Variants in TET3 observed in about 807,000 individuals in gnomAD.
TET3 encodes the protein tet methylcytosine dioxygenase 3.
A neutral mutation model predicts 141.4 loss-of-function variants in TET3; 19 were observed. That is an observed-to-expected ratio of 0.13 (90% CI 0.09 to 0.20). The LOEUF (loss-of-function observed/expected upper bound fraction) is 0.20, where lower values mean the gene tolerates loss of function less well. Ranked by LOEUF, TET3 falls within the 10% of genes least tolerant of loss-of-function variation. The pLI is 1.00. For synonymous variants in TET3, 1,043 were observed against 980.9 expected (o/e 1.06, Z -1.18); for missense variants, 1,874 against 2,356.9 (o/e 0.80, Z 4.24).
chr2:74,129,192 T>C, the TET3 span, among the ~76,000 whole-genome samples: 16 of 150,590 alleles, frequency 1.1e-4, no homozygotes, highest in East Asian at 2.3e-3. Context: ...GGCTCATACC[T>C]GTAATCCCAG....
At chr2:74,031,905 C>A (rs1270739691) in intron 3 of TET3, among the ~76,000 whole-genome samples, 7 of 152,136 alleles carry the variant, frequency 4.6e-5, no homozygotes, top group African/African-American at 1.7e-4. Context: ...AACCTTGGTA[C>A]CTGGGAGGCC....
At chr2:74,058,791 A>G (rs986990792) in intron 4 of TET3, among the ~76,000 whole-genome samples, 2 of 152,200 alleles carry the variant, frequency 1.3e-5, no homozygotes, top group Non-Finnish European at 2.9e-5. Flanking sequence ...CCCCTAAAGC[A>G]TAGGCTGGCA....
chr2:74,084,365 C>T (rs1042730342), intron 6 of TET3, among the ~76,000 whole-genome samples: 7 of 152,088 alleles, frequency 4.6e-5, no homozygotes, highest in African/African-American at 1.2e-4. Context: ...CAGTGGCTCA[C>T]GCCTGTAATC....
the TET3 span, among the ~76,000 whole-genome samples, chr2:74,129,592 C>T: frequency 6.6e-6 from 1 of 151,834 alleles, no homozygotes; most frequent in African/African-American, 2.4e-5. Context: ...GATCGCACCA[C>T]TGTGCTCCAG....
Position 73,992,423 on chromosome 2 carries a change from C to T in TET3, c.303+5717C>T, listed in dbSNP as rs565899254. Among the ~76,000 whole-genome samples the T allele has an allele frequency of 2.0e-5, 3 of 152,046 alleles. No individual in the cohort carries two copies. The East Asian group carries it at 5.8e-4, about 29-fold the overall frequency. ...CCACCTCCCCGGTTCAAGCGATTCTCCTGCCTCAGCCTCCCGAGTAGCTGG... is the reference window on the plus strand; with the variant it reads ...CCACCTCCCCGGTTCAAGCGATTCTTCTGCCTCAGCCTCCCGAGTAGCTGG... On this transcript the variant is annotated intron_variant, in intron 2 of 11. Coordinates refer to ENST00000409262, the MANE Select transcript of TET3 (RefSeq NM_001287491.2).
At chr2:74,014,811 T>C (rs1685646659) in intron 3 of TET3, among the ~76,000 whole-genome samples, 1 of 152,088 alleles carries the variant, frequency 6.6e-6, no homozygotes, top group Non-Finnish European at 1.5e-5. Context: ...CATGAGCCTC[T>C]AGAAAATATG....
chr2:73,988,975 C>CT (rs1684185130), intron 2 of TET3, among the ~76,000 whole-genome samples: 2 of 99,238 alleles, frequency 2.0e-5, no homozygotes, highest in African/African-American at 4.7e-5. Context: ...GTGCCTCTCT[C>CT]TGAAAAAAAA....
At chr2:74,048,444 G>GA in intron 4 of TET3, 33 bp downstream of exon 4, 1 of 1,569,074 alleles carries the variant, frequency 6.4e-7, no homozygotes, top group African/African-American at 1.4e-5. Context: ...GAAGGGCAGA[G>GA]AAAGGGCTGT....
In TET3 at chr2:74,105,751, A is replaced by T. The variant is rs1439384252; in HGVS notation, c.*3575A>T. 2 of 189,590 alleles carry T rather than the reference A, an allele frequency of 1.1e-5. No individual in the cohort carries two copies. Among genetic ancestry groups the T allele is most frequent in the Non-Finnish European group, 2.2e-5 (2 of 92,444 alleles). The allele number at this position is 189,590 out of a possible 1,614,324, so 11.7% of individuals were successfully genotyped here. On this transcript the variant is annotated 3_prime_UTR_variant, in exon 12 of 12. Coordinates refer to ENST00000409262, the MANE Select transcript of TET3 (RefSeq NM_001287491.2). ...ACTGCTTTGTACCACACAGCAGTAG[A>T]TGTGCAAGGACGGTTGACAATGAGT...
intron 6 of TET3, among the ~76,000 whole-genome samples, chr2:74,084,643 T>C (rs936900316): frequency 1.2e-4 from 18 of 151,966 alleles, no homozygotes; most frequent in Admixed American, 1.0e-3. Flanking sequence ...TTAGTAGAGA[T>C]GGGGTTTCAC....
chr2:74,006,763 C>T (rs541187592), intron 3 of TET3, among the ~76,000 whole-genome samples: 1 of 152,296 alleles, frequency 6.6e-6, no homozygotes, highest in African/African-American at 2.4e-5. Context: ...CTCTTTCCTA[C>T]CCTTGACCTC....
intron 3 of TET3, among the ~76,000 whole-genome samples, chr2:74,040,935 C>T (rs1276395335): frequency 1.3e-5 from 2 of 151,992 alleles, no homozygotes; most frequent in African/African-American, 2.4e-5. Flanking sequence ...TTGCTGGAGC[C>T]CAGAAGGGCA....
At chr2:73,984,565 G>A (rs1683896862), upstream of TET3, among the ~76,000 whole-genome samples, 3 of 151,900 alleles carry the variant, frequency 2.0e-5, no homozygotes. The surrounding 1 kb of genome is among the most constrained non-coding windows in gnomAD (Gnocchi z 5.6). Flanking sequence ...CTCGGCCGAG[G>A]GCCTAGGCTG....
In TET3 at chr2:74,010,274, C is replaced by A. The variant is rs1299687464; in HGVS notation, c.360+7108C>A. Among the ~76,000 whole-genome samples, 3 of 152,228 alleles carry A rather than the reference C, an allele frequency of 2.0e-5. No individual in the cohort carries two copies. The East Asian group carries it at 5.8e-4, about 29-fold the overall frequency. ...AGCCTGGGAAGCTCCTCCCCGTCAC[C>A]TTCCAGATGCTGCCGCCTCCATGTG... is the stretch of plus-strand genomic sequence containing the variant. On this transcript the variant is annotated intron_variant, in intron 3 of 11. Transcript: ENST00000409262.
At chr2:74,019,619 G>A (rs759685336) in intron 3 of TET3, among the ~76,000 whole-genome samples, 2 of 152,130 alleles carry the variant, frequency 1.3e-5, no homozygotes, top group African/African-American at 2.4e-5. Flanking sequence ...TTTAATAAAC[G>A]CCGTGGCATC....
intron 3 of TET3, among the ~76,000 whole-genome samples, chr2:74,005,107 AC>A (rs1685084229): frequency 6.6e-6 from 1 of 151,928 alleles, no homozygotes; most frequent in South Asian, 2.1e-4. Flanking sequence ...TCCCTGGCAG[AC>A]CCGCTTCTCT....
In TET3 at chr2:74,092,991, G is replaced by T; in HGVS notation, c.3129G>T (p.Gln1043His). 1 of 1,566,072 alleles carries T rather than the reference G, an allele frequency of 6.4e-7. No individual in the cohort carries two copies. Among genetic ancestry groups the T allele is most frequent in the East Asian group, 2.4e-5 (1 of 41,958 alleles). ...TGGCCCCTCAGGCCTATCAGAACCAGGTAACGGGCCCTGGGCCTTTTGCTG... is the reference window on the plus strand; with the variant it reads ...TGGCCCCTCAGGCCTATCAGAACCATGTAACGGGCCCTGGGCCTTTTGCTG... ...KRLAPQAYQN[Q>H]VTNEEIAIDC... Residue 1043 changes from glutamine (Q) to histidine (H), a missense_variant and splice_region_variant, in exon 9 of 12, where the codon CAG becomes CAT. Gln to His is a conservative substitution (Grantham distance 24). This residue lies in a region of TET3 where 126 missense variants were observed against 327.4 expected (regional missense o/e 0.38). Coordinates refer to ENST00000409262, the MANE Select transcript of TET3 (RefSeq NM_001287491.2).
intron 3 of TET3, among the ~76,000 whole-genome samples, chr2:74,006,587 C>G (rs1685161740): frequency 6.6e-6 from 1 of 152,212 alleles, no homozygotes; most frequent in African/African-American, 2.4e-5. Context: ...CTCCCTCCAG[C>G]TGCAGATGGA....
At chr2:74,120,523 G>A in the TET3 span, among the ~76,000 whole-genome samples, 1 of 152,226 alleles carries the variant, frequency 6.6e-6, no homozygotes, top group African/African-American at 2.4e-5. Context: ...CAAGGCAGGC[G>A]GCCCTGCAGG....
Sources: allele counts gnomAD v4.1 joint callset (sites outside exome capture counted in the v4.1 genomes callset), GRCh38; gene constraint gnomAD v4.1.1; regional missense constraint gnomAD v4.1.1; non-coding constraint Gnocchi (gnomAD v3.1); transcripts MANE v1.5; gene names NCBI Gene and HGNC (gene_info 2026-07-23, HGNC 2026-07-21).